The following RAPGEF1 variants were observed in gnomAD, a reference collection of about 807,000 sequenced individuals.
RAPGEF1 encodes the protein CRK SH3-binding GNRP.
Under a neutral mutation model 143.3 loss-of-function variants are expected in RAPGEF1, and 33 were observed. The observed-to-expected ratio is 0.23, with a 90% CI of 0.17 to 0.31. RAPGEF1 has a LOEUF of 0.31. Ranked by LOEUF, RAPGEF1 falls within the 10% of genes least tolerant of loss-of-function variation. RAPGEF1 has a pLI of 1.00. For synonymous variants in RAPGEF1, 629 were observed against 676.5 expected, an observed-to-expected ratio of 0.93 and a Z score of 1.09; for missense variants, 1,199 against 1,645.4, an observed-to-expected ratio of 0.73 and a Z score of 4.69.
intron 10 of RAPGEF1, among the ~76,000 whole-genome samples, chr9:131,622,874 C>A (rs1961621360): frequency 6.6e-6 from 1 of 151,874 alleles, no homozygotes; most frequent in Admixed American, 6.6e-5. Context: ...TTCAAGCGAT[C>A]CTCCTGCCTC....
intron 1 of RAPGEF1, among the ~76,000 whole-genome samples, chr9:131,659,214 G>A (rs1198222798): frequency 6.6e-6 from 1 of 152,168 alleles, no homozygotes; most frequent in Non-Finnish European, 1.5e-5. Flanking sequence ...TTAAAGATGA[G>A]GATTTCCAAT....
intron 1 of RAPGEF1, chr9:131,710,038 T>C (rs982190908): frequency 2.8e-6 from 2 of 708,502 alleles, no homozygotes; most frequent in African/African-American, 3.9e-5. Context: ...TATGTCCAAA[T>C]ACTTTTAATA....
chr9:131,692,319 A>C (rs1413232862), intron 1 of RAPGEF1, among the ~76,000 whole-genome samples: 1 of 152,202 alleles, frequency 6.6e-6, no homozygotes, highest in Non-Finnish European at 1.5e-5. Flanking sequence ...ACTATAGTAC[A>C]CCTGTTATTA....
chr9:131,661,996 T>C (rs1974224460), intron 1 of RAPGEF1, among the ~76,000 whole-genome samples: 1 of 152,256 alleles, frequency 6.6e-6, no homozygotes, highest in Non-Finnish European at 1.5e-5. Context: ...TAATTTTTTA[T>C]GTTTAACCAA....
At chr9:131,631,492 C>T (rs1964837065) in intron 5 of RAPGEF1, among the ~76,000 whole-genome samples, 1 of 152,272 alleles carries the variant, frequency 6.6e-6, no homozygotes, top group African/African-American at 2.4e-5. Context: ...TGCACCACAG[C>T]TTCTCCCTCC....
intron 1 of RAPGEF1, among the ~76,000 whole-genome samples, chr9:131,730,697 CAAAAAA>C (rs56044744): frequency 0.14 from 11,314 of 80,484 alleles, 786 homozygotes; most frequent in Middle Eastern, 0.35. Context: ...GACTCCATCT[CAAAAAA>C]AAAAAAAAAA....
intron 1 of RAPGEF1, among the ~76,000 whole-genome samples, chr9:131,715,111 C>T (rs889377725): frequency 2.0e-5 from 3 of 152,126 alleles, no homozygotes; most frequent in African/African-American, 7.2e-5. Context: ...AGCTCAGGGA[C>T]TCTCTTATGA....
At chr9:131,613,191 C>T (rs146919611) in intron 12 of RAPGEF1, among the ~76,000 whole-genome samples, 47 of 152,318 alleles carry the variant, frequency 3.1e-4, no homozygotes, top group African/African-American at 1.1e-3. Flanking sequence ...GAAAGCGGGG[C>T]CCAGGGCACT....
Position 131,706,767 on chromosome 9 carries a change from C to T in RAPGEF1, c.61+33003G>A, listed in dbSNP as rs141328805. Among the ~76,000 whole-genome samples the T allele has an allele frequency of 6.4e-4, 97 of 152,274 alleles. No homozygotes were observed. In the South Asian group the frequency reaches 0.01, roughly 16 times the overall value. On this transcript the variant is annotated intron_variant, in intron 1 of 26. Transcript: ENST00000683357. The stretch of plus-strand genomic sequence containing the variant: ...GAGATGGACTTTGGACCGCAGTCCC[C>T]GGGTCTATCAGCCCAAACAAATAAA...
chr9:131,676,930 G>A (rs1171400096), intron 1 of RAPGEF1, among the ~76,000 whole-genome samples: 11 of 114,884 alleles, frequency 9.6e-5, no homozygotes, highest in Non-Finnish European at 1.8e-4. Context: ...CAGACACTCT[G>A]GGGGTAGGCC....
chr9:131,633,830 T>G (rs1431657011), intron 5 of RAPGEF1, among the ~76,000 whole-genome samples: 1 of 152,242 alleles, frequency 6.6e-6, no homozygotes, highest in African/African-American at 2.4e-5. Context: ...TGCACATATC[T>G]GGCTACTGTG....
At chr9:131,599,651 G>A (rs565915989) in intron 15 of RAPGEF1, among the ~76,000 whole-genome samples, 72 of 152,196 alleles carry the variant, frequency 4.7e-4, no homozygotes, top group Non-Finnish European at 7.8e-4. Context: ...TGGGACGGCC[G>A]GGGGTGTCCA....
At chr9:131,587,165 G>A (rs1192660594) in intron 22 of RAPGEF1, among the ~76,000 whole-genome samples, 1 of 103,092 alleles carries the variant, frequency 9.7e-6, no homozygotes, top group African/African-American at 4.4e-5. Flanking sequence ...CACACCTGCA[G>A]AGCGAGACTC....
intron 1 of RAPGEF1, among the ~76,000 whole-genome samples, chr9:131,681,536 T>C (rs1234612235): frequency 1.3e-5 from 2 of 152,230 alleles, no homozygotes; most frequent in African/African-American, 2.4e-5. Flanking sequence ...TGTTGCTGTT[T>C]CCAGTCGGAT....
In RAPGEF1 at chr9:131,627,780, G is replaced by C. The variant is rs540482802; in HGVS notation, c.1201+133C>G. ...CATATTTTGCAGATGAGGAAGCTGA[G>C]GCTCAGATTTTAAACAAGTCAGCCA... is the stretch of plus-strand genomic sequence containing the variant. On this transcript the variant is annotated intron_variant, in intron 9 of 26. Coordinates refer to ENST00000683357, the MANE Select transcript of RAPGEF1 (RefSeq NM_001377935.1). The C allele has an allele frequency of 1.2e-4, 105 of 869,482 alleles. 1 individual carries two copies. The highest frequency in any genetic ancestry group is 1.2e-4 in the Non-Finnish European group (67 of 576,850). 53.9% of individuals were successfully genotyped at this position (869,482 alleles called of 1,614,324 possible).
At chr9:131,726,899 G>C (rs757521702) in intron 1 of RAPGEF1, among the ~76,000 whole-genome samples, 1 of 152,096 alleles carries the variant, frequency 6.6e-6, no homozygotes, top group African/African-American at 2.4e-5. Context: ...AGCTACTCAA[G>C]AGGCTGAAAT....
chr9:131,739,923 A>G lies in RAPGEF1; in HGVS notation c.-93T>C. On this transcript the variant is annotated 5_prime_UTR_variant, in exon 1 of 27. An upstream start codon of the reference 5' UTR is lost. Transcript: ENST00000683357. The stretch of plus-strand genomic sequence containing the variant: ...CGCCACGCCTCAGACCCGCGCCGGC[A>G]TGGCGGGCTCCGCGCGGCCGCGGCC... 1.3e-6 allele frequency: 1 copy of G among 749,420 alleles called. No homozygotes were observed. 46.4% of individuals were successfully genotyped at this position (749,420 alleles called of 1,614,324 possible). A position where few individuals can be genotyped will look rare whatever the true frequency, so the allele number is the denominator to read the frequency against.
chr9:131,661,353 A>T (rs2133652626), intron 1 of RAPGEF1, among the ~76,000 whole-genome samples: 1 of 152,306 alleles, frequency 6.6e-6, no homozygotes. Context: ...ATACGATTCC[A>T]TTTATATAAA....
At chr9:131,652,113 A>G (rs1971214622) in intron 1 of RAPGEF1, among the ~76,000 whole-genome samples, 1 of 152,252 alleles carries the variant, frequency 6.6e-6, no homozygotes, top group Non-Finnish European at 1.5e-5. Context: ...ACACTCCTGT[A>G]CACCAGGGTA....
Sources: gnomAD v4.1 joint callset for allele counts (sites outside exome capture counted in the v4.1 genomes callset) on GRCh38, gnomAD v4.1.1 for gene constraint, MANE v1.5 for transcripts, NCBI Gene and HGNC (gene_info 2026-07-23, HGNC 2026-07-21) for gene names.